Variants in CSNK1G1 observed in about 807,000 individuals in gnomAD.
CSNK1G1 encodes casein kinase I isoform gamma-1.
CSNK1G1 carries 22 observed loss-of-function variants against 59.6 expected under a neutral mutation model. That is an observed-to-expected ratio of 0.37 (90% CI 0.26 to 0.53). The LOEUF is 0.53. CSNK1G1 is among the 20% of genes least tolerant of loss of function. The pLI is 0.89. For missense variants in CSNK1G1, 384 were observed against 519.5 expected, an observed-to-expected ratio of 0.74 and a Z score of 2.54; for synonymous variants, 179 against 177.1, an observed-to-expected ratio of 1.01 and a Z score of -0.08.
At chr15:64,239,138 A>C (rs2082660468) in intron 4 of CSNK1G1, among the ~76,000 whole-genome samples, 1 of 152,214 alleles carries the variant, frequency 6.6e-6, no homozygotes, top group African/African-American at 2.4e-5. Flanking sequence ...ACCCAACTGC[A>C]GGTGAAAGTC....
At chr15:64,291,692 C>T (rs914223104) in intron 2 of CSNK1G1, among the ~76,000 whole-genome samples, 8 of 152,196 alleles carry the variant, frequency 5.3e-5, no homozygotes, top group African/African-American at 1.9e-4. Context: ...CAAACAAAAT[C>T]TTATTGAAAA....
intron 2 of CSNK1G1, among the ~76,000 whole-genome samples, chr15:64,290,451 C>T (rs546097615): frequency 1.3e-5 from 2 of 152,074 alleles, no homozygotes; most frequent in East Asian, 1.9e-4. Flanking sequence ...GAACTGCAGG[C>T]CATTAACTTA....
intron 4 of CSNK1G1, among the ~76,000 whole-genome samples, chr15:64,220,962 GA>G (rs2082381328): frequency 6.6e-6 from 1 of 152,210 alleles, no homozygotes; most frequent in South Asian, 2.1e-4. Context: ...GTAGTGCCAA[GA>G]ATAGATGGAG....
chr15:64,279,352 T>C (rs1364882433), intron 2 of CSNK1G1, among the ~76,000 whole-genome samples: 1 of 152,242 alleles, frequency 6.6e-6, no homozygotes, highest in African/African-American at 2.4e-5. Flanking sequence ...ATTTGCTTAT[T>C]TTTGACATCA....
intron 1 of CSNK1G1, among the ~76,000 whole-genome samples, chr15:64,317,601 G>A (rs1426318014): frequency 2.1e-5 from 3 of 145,520 alleles, no homozygotes; most frequent in African/African-American, 5.1e-5. Context: ...ACAGGGTTTC[G>A]TTGTGTTGGC....
At chr15:64,316,012 G>A (rs1896242436) in intron 1 of CSNK1G1, among the ~76,000 whole-genome samples, 1 of 152,036 alleles carries the variant, frequency 6.6e-6, no homozygotes, top group Admixed American at 6.6e-5. Flanking sequence ...CACACATTTG[G>A]GTTTTGCTGT....
intron 1 of CSNK1G1, among the ~76,000 whole-genome samples, chr15:64,306,193 G>T (rs1895676259): frequency 6.6e-6 from 1 of 152,178 alleles, no homozygotes; most frequent in African/African-American, 2.4e-5. Context: ...ACTGCTAAGA[G>T]AATGAAAAGA....
intron 1 of CSNK1G1, among the ~76,000 whole-genome samples, chr15:64,337,893 T>C (rs1272377611): frequency 1.3e-5 from 2 of 152,210 alleles, no homozygotes; most frequent in African/African-American, 4.8e-5. Context: ...AGTGAAATCA[T>C]GCAATATTTG....
At position 64,204,453 on chromosome 15, in the gene CSNK1G1, A is replaced by C; in HGVS notation, c.987T>G (p.Val329=). The stretch of plus-strand genomic sequence containing the variant: ...AAAGGATACTTACAATAGGTCTCCC[A>C]ACCCAATCATAGGCATAGTCAAAGG... ...GYTFDYAYDW[V]GRPIPTPVGS... The change falls in exon 9 of 12, where the codon GTT becomes GTG. Residue 329 remains valine (V), a synonymous_variant. Transcript: ENST00000303052. 3 of 1,592,318 alleles carry C rather than the reference A, an allele frequency of 1.9e-6. No individual in the cohort carries two copies. The highest frequency in any genetic ancestry group is 2.6e-6 in the Non-Finnish European group (3 of 1,173,752).
Position 64,300,654 on chromosome 15 carries a change from A to G in CSNK1G1, c.-155T>C, listed in dbSNP as rs1895276840. ...GTTTGTAATGTATCTCCGGGAGATG[A>G]AAAACCATTTATTTGTTCCCGTAGG... On this transcript the variant is annotated 5_prime_UTR_variant, in exon 2 of 12. Coordinates refer to ENST00000303052, the MANE Select transcript of CSNK1G1 (RefSeq NM_022048.5). 7.8e-7 allele frequency: 1 copy of G among 1,287,266 alleles called. No individual in the cohort carries two copies. Among genetic ancestry groups the G allele is most frequent in the Non-Finnish European group, 9.9e-7 (1 of 1,014,178 alleles). 79.7% of individuals were successfully genotyped at this position (1,287,266 alleles called of 1,614,324 possible).
Position 64,200,224 on chromosome 15 carries a change from C to A in CSNK1G1, c.1107+2858G>T, listed in dbSNP as rs2082090124. On this transcript the variant is annotated intron_variant, in intron 10 of 11. Transcript: ENST00000303052. This position sits in a 1 kb window ranked among gnomAD's most constrained non-coding sequence, Gnocchi z 4.3. Reference sequence around the variant, plus strand: ...CATGCTCCAGCCTTGGTGATAAGAGCTAAACTCTGTCTCAAAAAAAAAAAG... The same window carrying A: ...CATGCTCCAGCCTTGGTGATAAGAGATAAACTCTGTCTCAAAAAAAAAAAG... 2.0e-5 allele frequency among the ~76,000 whole-genome samples: 3 copies of A among 151,768 alleles called. No individual in the cohort carries two copies.
chr15:64,275,286 G>A (rs545694733), intron 2 of CSNK1G1, among the ~76,000 whole-genome samples: 3 of 152,218 alleles, frequency 2.0e-5, no homozygotes, highest in South Asian at 2.1e-4. Context: ...TGAGCCTCCC[G>A]TCTGGGCCTC....
intron 4 of CSNK1G1, among the ~76,000 whole-genome samples, chr15:64,220,478 G>T (rs2082372928): frequency 6.6e-6 from 1 of 151,392 alleles, no homozygotes; most frequent in Non-Finnish European, 1.5e-5. Flanking sequence ...CAATGAGATG[G>T]AAGCAGAAAT....
intron 4 of CSNK1G1, among the ~76,000 whole-genome samples, chr15:64,230,109 A>G (rs2082526627): frequency 1.3e-5 from 2 of 150,936 alleles, no homozygotes; most frequent in African/African-American, 4.9e-5. Context: ...TTTAGTAGAG[A>G]CAGGGTTTTA....
At chr15:64,256,788 A>G (rs1036894283) in intron 3 of CSNK1G1, among the ~76,000 whole-genome samples, 4 of 152,230 alleles carry the variant, frequency 2.6e-5, no homozygotes, top group African/African-American at 9.6e-5. Context: ...TCCACAATGA[A>G]GATCCAAACA....
chr15:64,171,913 A>G lies in CSNK1G1; in HGVS notation c.*18T>C. The G allele has an allele frequency of 6.2e-7, 1 of 1,608,914 alleles. No individual in the cohort carries two copies. Among genetic ancestry groups the G allele is most frequent in the Non-Finnish European group, 8.5e-7 (1 of 1,175,328 alleles). ...GAGTCAGAGTCCCCAGGGCCTGAGG[A>G]CTCCTGGGAGGCACTGGTCACTTGT... On this transcript the variant is annotated 3_prime_UTR_variant, in exon 12 of 12. Coordinates refer to ENST00000303052, the MANE Select transcript of CSNK1G1 (RefSeq NM_022048.5). This position sits in a 1 kb window ranked among gnomAD's most constrained non-coding sequence, Gnocchi z 4.8.
At position 64,214,714 on chromosome 15, in the gene CSNK1G1, G is replaced by A. The variant is rs888438907; in HGVS notation, c.445-590C>T. 2.0e-5 allele frequency among the ~76,000 whole-genome samples: 3 copies of A among 151,936 alleles called. No homozygotes were observed. Among genetic ancestry groups the A allele is most frequent in the African/African-American group, 4.8e-5 (2 of 41,376 alleles). The stretch of plus-strand genomic sequence containing the variant: ...GTCTTGCTCTGTCACCCAGGGTGGA[G>A]TGCAGCCTCAGCCTCCTGGGTTCTA... On this transcript the variant is annotated intron_variant, in intron 5 of 11. Transcript: ENST00000303052. The surrounding 1 kb of genome is among the most constrained non-coding windows in gnomAD (Gnocchi z 4.3).
intron 2 of CSNK1G1, among the ~76,000 whole-genome samples, chr15:64,262,507 G>A (rs556904277): frequency 2.0e-5 from 3 of 152,208 alleles, no homozygotes; most frequent in South Asian, 2.1e-4. Flanking sequence ...CCATATAATC[G>A]GAGCACATAG....
At position 64,200,035 on chromosome 15, in the gene CSNK1G1, A is replaced by T. The variant is rs1231382837; in HGVS notation, c.1107+3047T>A. On this transcript the variant is annotated intron_variant, in intron 10 of 11. Coordinates refer to ENST00000303052, the MANE Select transcript of CSNK1G1 (RefSeq NM_022048.5). The surrounding 1 kb of genome is among the most constrained non-coding windows in gnomAD (Gnocchi z 4.3). Reference sequence around the variant, plus strand: ...TGAGGCAGGTGGATCACCTGAGGTTAGGAGTTCCAGACTAGCCTGGCCAAC... The same window carrying T: ...TGAGGCAGGTGGATCACCTGAGGTTTGGAGTTCCAGACTAGCCTGGCCAAC... 1.3e-5 allele frequency among the ~76,000 whole-genome samples: 2 copies of T among 152,122 alleles called. No individual in the cohort carries two copies. The highest frequency in any genetic ancestry group is 6.5e-5 in the Admixed American group (1 of 15,274).
Sources: gnomAD v4.1 joint callset for allele counts (sites outside exome capture counted in the v4.1 genomes callset) on GRCh38, gnomAD v4.1.1 for gene constraint, Gnocchi (gnomAD v3.1) non-coding constraint, MANE v1.5 for transcripts, NCBI Gene and HGNC (gene_info 2026-07-23, HGNC 2026-07-21) for gene names.